Variants in TMEM143 observed in about 807,000 individuals in gnomAD.
The protein encoded by TMEM143 is transmembrane protein 143.
A neutral mutation model predicts 40.3 loss-of-function variants in TMEM143; 45 were observed. The observed-to-expected ratio is 1.12, with a 90% CI of 0.88 to 1.43. The LOEUF (loss-of-function observed/expected upper bound fraction) is 1.43, where lower values mean the gene tolerates loss of function less well. Ranked by LOEUF, TMEM143 falls within the 40% of genes most tolerant of loss-of-function variation. The pLI is 0.00. For synonymous variants in TMEM143, 299 were observed against 282.7 expected, an observed-to-expected ratio of 1.06 and a Z score of -0.58; for missense variants, 620 against 613.4, an observed-to-expected ratio of 1.01 and a Z score of -0.11.
In TMEM143 at chr19:48,360,239, C is replaced by A; in HGVS notation, c.265-63G>T. ...TTCCCCTTCCCCGAGGGAAAGAATT[C>A]TTTCCCTGGCTGCCTAACTACACAA... On this transcript the variant is annotated intron_variant, in intron 2 of 7. Transcript: ENST00000293261. 13 of 1,494,014 alleles carry A rather than the reference C, an allele frequency of 8.7e-6. No individual in the cohort carries two copies. In the South Asian group the frequency reaches 1.5e-4, roughly 17 times the overall value. The allele number at this position is 1,494,014 out of a possible 1,614,324, so 92.5% of individuals were successfully genotyped here. A position where few individuals can be genotyped will look rare whatever the true frequency, so the allele number is the denominator to read the frequency against.
At chr19:48,344,107 A>G (rs1247276067) in intron 4 of TMEM143, among the ~76,000 whole-genome samples, 1 of 151,902 alleles carries the variant, frequency 6.6e-6, no homozygotes, top group East Asian at 1.9e-4. Context: ...GGCTAGTCTC[A>G]AACTCCTGAC....
At chr19:48,338,059 A>G (rs565916629) in intron 6 of TMEM143, among the ~76,000 whole-genome samples, 7 of 152,058 alleles carry the variant, frequency 4.6e-5, no homozygotes, top group Non-Finnish European at 1.0e-4. Flanking sequence ...CAAGGAATAC[A>G]GCACTCGCTC....
rs1970114525 is a variant in TMEM143 at position 48,363,519 on chromosome 19, C to G, written c.36G>C (p.Lys12Asn). Reference sequence around the variant, plus strand: ...GGGTCACATGCAGCATGGCTAGACCCTTTCCCCGGAGCCTAAACAGAGGAA... The same window carrying G: ...GGGTCACATGCAGCATGGCTAGACCGTTTCCCCGGAGCCTAAACAGAGGAA... ...TVELWLRLRG[K>N]GLAMLHVTRG... Residue 12 changes from lysine to asparagine, a missense_variant, in exon 2 of 8, where the codon AAG (lysine) becomes AAC (asparagine). Lys to Asn is a moderately conservative substitution (Grantham distance 94). Coordinates refer to ENST00000293261, the MANE Select transcript of TMEM143 (RefSeq NM_018273.4). 1.2e-6 allele frequency: 2 copies of G among 1,610,022 alleles called. No individual in the cohort carries two copies. Among genetic ancestry groups the G allele is most frequent in the Non-Finnish European group, 8.5e-7 (1 of 1,177,826 alleles).
At chr19:48,352,049 C>A (rs1330991979) in intron 3 of TMEM143, among the ~76,000 whole-genome samples, 3 of 151,242 alleles carry the variant, frequency 2.0e-5, no homozygotes, top group Non-Finnish European at 4.4e-5. Flanking sequence ...AGATCAAGAC[C>A]ATCCTGGCTA....
intron 2 of TMEM143, among the ~76,000 whole-genome samples, chr19:48,360,920 AAGAC>A (rs1970026267): frequency 6.6e-6 from 1 of 151,742 alleles, no homozygotes; most frequent in South Asian, 2.1e-4. Flanking sequence ...CTGAGTAGCT[AAGAC>A]TACAGGTGCC....
At chr19:48,362,487 GCA>G (rs1970068158) in intron 2 of TMEM143, among the ~76,000 whole-genome samples, 1 of 152,108 alleles carries the variant, frequency 6.6e-6, no homozygotes, top group Non-Finnish European at 1.5e-5. Flanking sequence ...TTGTGCCACT[GCA>G]CTCCAGTCTG....
In TMEM143 at chr19:48,333,932, T is replaced by C; in HGVS notation, c.1165+76A>G. The stretch of plus-strand genomic sequence containing the variant: ...CAGGTTCACCCGTGGGAACTGGGGG[T>C]GGGGACGCATCTCGCTGGGGCGGGG... On this transcript the variant is annotated intron_variant, in intron 7 of 7. Coordinates refer to ENST00000293261, the MANE Select transcript of TMEM143 (RefSeq NM_018273.4). The surrounding 1 kb of genome is among the most constrained non-coding windows in gnomAD (Gnocchi z 4.1). The C allele has an allele frequency of 7.1e-7, 1 of 1,404,104 alleles. No individual in the cohort carries two copies. The highest frequency in any genetic ancestry group is 1.4e-5 in the South Asian group (1 of 70,560). The allele number at this position is 1,404,104 out of a possible 1,614,324, so 87.0% of individuals were successfully genotyped here.
At chr19:48,335,907 AG>A (rs1969356319) in intron 6 of TMEM143, among the ~76,000 whole-genome samples, 1 of 152,008 alleles carries the variant, frequency 6.6e-6, no homozygotes, top group South Asian at 2.1e-4. Flanking sequence ...AAAAGAAAAA[AG>A]TTAAATTGTA....
At chr19:48,342,014 G>C (rs1010304615) in intron 6 of TMEM143, among the ~76,000 whole-genome samples, 1 of 149,746 alleles carries the variant, frequency 6.7e-6, no homozygotes, top group Non-Finnish European at 1.5e-5. Context: ...AAGGGGTGTT[G>C]AGTAAATGAA....
intron 6 of TMEM143, among the ~76,000 whole-genome samples, chr19:48,334,863 C>G (rs1026449526): frequency 6.6e-6 from 1 of 152,108 alleles, no homozygotes; most frequent in Non-Finnish European, 1.5e-5. Context: ...GGGTTACAGG[C>G]GTGACCCAAG....
intron 3 of TMEM143, 35 bp downstream of exon 3, chr19:48,360,037 C>A: frequency 6.3e-7 from 1 of 1,596,318 alleles, no homozygotes; most frequent in Non-Finnish European, 8.6e-7. Flanking sequence ...GATGCTCGAA[C>A]AAGCACCACA....
intron 5 of TMEM143, 94 bp downstream of exon 5, chr19:48,343,227 C>T: frequency 6.8e-7 from 1 of 1,461,414 alleles, no homozygotes; most frequent in Non-Finnish European, 9.1e-7. Context: ...CCGCCTGGGG[C>T]CCAGACACCC....
intron 3 of TMEM143, among the ~76,000 whole-genome samples, chr19:48,347,544 C>G (rs1481584947): frequency 6.7e-6 from 1 of 149,732 alleles, no homozygotes; most frequent in Non-Finnish European, 1.5e-5. Flanking sequence ...GAAATCCTGT[C>G]TCTACAAAAC....
intron 6 of TMEM143, among the ~76,000 whole-genome samples, chr19:48,340,162 T>G (rs1405005014): frequency 7.1e-6 from 1 of 140,066 alleles, no homozygotes; most frequent in Non-Finnish European, 1.5e-5. Flanking sequence ...AGTCTCACTG[T>G]GTCGCCCAGG....
At chr19:48,359,658 C>CA (rs373024528) in intron 3 of TMEM143, among the ~76,000 whole-genome samples, 2 of 152,032 alleles carry the variant, frequency 1.3e-5, no homozygotes, top group African/African-American at 4.8e-5. Flanking sequence ...AGTCGCCCCC[C>CA]ACCACGCCCA....
intron 6 of TMEM143, among the ~76,000 whole-genome samples, chr19:48,337,737 C>T (rs1046272752): frequency 6.6e-6 from 1 of 152,094 alleles, no homozygotes; most frequent in Non-Finnish European, 1.5e-5. Flanking sequence ...CTGAAATGGC[C>T]TGCAAGGTAC....
rs1447526988 is a variant in TMEM143, at chr19:48,334,185, G to A, written c.988C>T (p.Arg330Trp). The A allele has an allele frequency of 1.9e-6, 3 of 1,602,530 alleles. No homozygotes were observed. The highest frequency in any genetic ancestry group is 2.2e-5 in the South Asian group (2 of 89,752). The change falls in exon 7 of 8, where the codon CGG (arginine) becomes TGG (tryptophan). Residue 330 changes from arginine (R) to tryptophan (W), a missense_variant. Arg to Trp is a moderately radical substitution (Grantham distance 101). Coordinates refer to ENST00000293261, the MANE Select transcript of TMEM143 (RefSeq NM_018273.4). ...GLRASKMFGQ[R>W]RSAQALELAH... ...AGCTCCAACGCCTGCGCGCTGCGCC[G>A]CTGCCCGAACATCTGCAGGCGGGAC...
At chr19:48,361,479 A>C (rs943491759) in intron 2 of TMEM143, among the ~76,000 whole-genome samples, 32 of 151,466 alleles carry the variant, frequency 2.1e-4, no homozygotes, top group East Asian at 3.9e-4. Flanking sequence ...CGACTTCCCA[A>C]AGTGCTGGGA....
At chr19:48,361,498 G>A (rs1301542841) in intron 2 of TMEM143, among the ~76,000 whole-genome samples, 1 of 151,458 alleles carries the variant, frequency 6.6e-6, no homozygotes, top group Admixed American at 6.6e-5. Flanking sequence ...GATTACTGGC[G>A]TGAGCCACCA....
Sources: allele counts gnomAD v4.1 joint callset (sites outside exome capture counted in the v4.1 genomes callset), GRCh38; gene constraint gnomAD v4.1.1; non-coding constraint Gnocchi (gnomAD v3.1); transcripts MANE v1.5; gene names NCBI Gene and HGNC (gene_info 2026-07-23, HGNC 2026-07-21).